Variants in OPCML observed in about 807,000 individuals in gnomAD.
OPCML encodes the protein opioid-binding protein/cell adhesion molecule.
OPCML carries 13 observed loss-of-function variants against 37.8 expected under a neutral mutation model. The ratio of observed to expected loss-of-function variants is 0.34; its 90% confidence interval spans 0.22 to 0.55. The LOEUF (loss-of-function observed/expected upper bound fraction) is 0.55. OPCML is among the 20% of genes least tolerant of loss of function. The pLI is 0.91. For synonymous variants in OPCML, 176 were observed against 168.8 expected (o/e 1.04, Z -0.33); for missense variants, 341 against 435.6 (o/e 0.78, Z 1.93).
intron 1 of OPCML, among the ~76,000 whole-genome samples, chr11:133,253,307 C>CATTTT (rs979651651): frequency 5.3e-5 from 8 of 151,888 alleles, no homozygotes; most frequent in Admixed American, 1.3e-4. Context: ...GTGCAAGTCA[C>CATTTT]ATTTTATTTT....
At chr11:132,783,719 T>C (rs1184270934) in intron 2 of OPCML, among the ~76,000 whole-genome samples, 1 of 151,354 alleles carries the variant, frequency 6.6e-6, no homozygotes, top group Non-Finnish European at 1.5e-5. Context: ...TAATGTAATT[T>C]ACCACTCTTT....
chr11:133,492,010 G>A (rs999205402), intron 1 of OPCML, among the ~76,000 whole-genome samples: 20 of 152,162 alleles, frequency 1.3e-4, no homozygotes, highest in Admixed American at 3.3e-4. Flanking sequence ...AGGAAAGCAC[G>A]CTCAAATCAG....
intron 2 of OPCML, among the ~76,000 whole-genome samples, chr11:132,780,057 C>G (rs567584933): frequency 7.9e-5 from 12 of 152,242 alleles, no homozygotes; most frequent in Non-Finnish European, 1.5e-4. Context: ...GAGTGTTTCC[C>G]ATGAGAAGTG....
intron 3 of OPCML, among the ~76,000 whole-genome samples, chr11:132,553,633 A>G (rs2096387526): frequency 6.6e-6 from 1 of 152,244 alleles, no homozygotes; most frequent in Non-Finnish European, 1.5e-5. Context: ...AGAGATTCTT[A>G]TAACACTTTT....
intron 1 of OPCML, among the ~76,000 whole-genome samples, chr11:133,397,002 G>T (rs1054576381): frequency 5.9e-5 from 9 of 152,178 alleles, no homozygotes; most frequent in Admixed American, 2.0e-4. Context: ...TGTGACCCAT[G>T]TTCATCACTC....
chr11:133,143,202 C>T (rs1050804325), intron 1 of OPCML, among the ~76,000 whole-genome samples: 6 of 152,178 alleles, frequency 3.9e-5, no homozygotes, highest in Non-Finnish European at 7.3e-5. Context: ...TAGCCTACAG[C>T]GACTGAAGAG....
intron 3 of OPCML, among the ~76,000 whole-genome samples, chr11:132,649,901 G>A (rs1167306903): frequency 6.6e-6 from 1 of 151,394 alleles, no homozygotes; most frequent in Non-Finnish European, 1.5e-5. Context: ...TCACACTCAC[G>A]AATGCCCTCA....
intron 1 of OPCML, among the ~76,000 whole-genome samples, chr11:133,474,962 A>G (rs1400743146): frequency 6.6e-6 from 1 of 152,164 alleles, no homozygotes; most frequent in Non-Finnish European, 1.5e-5. Context: ...CTGCCAAGGA[A>G]GCACATCCTG....
At chr11:133,209,676 A>C (rs1939269085) in intron 1 of OPCML, among the ~76,000 whole-genome samples, 1 of 152,212 alleles carries the variant, frequency 6.6e-6, no homozygotes, top group Non-Finnish European at 1.5e-5. Context: ...CACAGCTACG[A>C]GTAGACTTCT....
intron 3 of OPCML, among the ~76,000 whole-genome samples, chr11:132,564,454 T>A (rs1024164995): frequency 2.0e-5 from 3 of 152,196 alleles, no homozygotes; most frequent in Admixed American, 6.5e-5. Flanking sequence ...ATCTCTTATT[T>A]CTTCTGAATC....
chr11:132,821,988 C>G (rs1940014841), intron 2 of OPCML, among the ~76,000 whole-genome samples: 1 of 152,162 alleles, frequency 6.6e-6, no homozygotes, highest in Non-Finnish European at 1.5e-5. Context: ...CCAGTGAAAC[C>G]AAATAAAAAT....
At chr11:132,428,217 G>T (rs371022408) in intron 7 of OPCML, among the ~76,000 whole-genome samples, 1 of 152,204 alleles carries the variant, frequency 6.6e-6, no homozygotes, top group Admixed American at 6.5e-5. Context: ...GCAAGGGAAA[G>T]TCAGAAAAAT....
intron 3 of OPCML, among the ~76,000 whole-genome samples, chr11:132,592,309 A>C (rs969442899): frequency 1.3e-5 from 2 of 152,156 alleles, no homozygotes; most frequent in Non-Finnish European, 2.9e-5. Context: ...TGTACCTTGG[A>C]GCCTGAGGGA....
intron 1 of OPCML, among the ~76,000 whole-genome samples, chr11:133,009,446 G>A (rs748348091): frequency 5.3e-5 from 8 of 152,114 alleles, no homozygotes; most frequent in South Asian, 2.1e-4. Flanking sequence ...AAGATTGATC[G>A]ACCTAACTTA....
chr11:132,603,620 G>A (rs1339489741), intron 3 of OPCML, among the ~76,000 whole-genome samples: 1 of 152,036 alleles, frequency 6.6e-6, no homozygotes, highest in Non-Finnish European at 1.5e-5. Context: ...CTGTATAATT[G>A]CCCAGCTTAA....
intron 2 of OPCML, among the ~76,000 whole-genome samples, chr11:132,895,379 G>A (rs4937739): frequency 0.13 from 19,825 of 152,206 alleles, 1,740 homozygotes; most frequent in Middle Eastern, 0.21. Flanking sequence ...TCCTGCCCCA[G>A]CTCTACATAA....
At chr11:133,161,860 C>T (rs180873982) in intron 1 of OPCML, among the ~76,000 whole-genome samples, 72 of 152,144 alleles carry the variant, frequency 4.7e-4, no homozygotes, top group Middle Eastern at 3.4e-3. Context: ...TGCTGAAAAA[C>T]AGCACAACCA....
chr11:133,100,465 A>T (rs1049495861), intron 1 of OPCML, among the ~76,000 whole-genome samples: 1 of 152,200 alleles, frequency 6.6e-6, no homozygotes, highest in African/African-American at 2.4e-5. Context: ...TGAAAAAATG[A>T]CTCTAAAATT....
chr11:133,519,220 T>G (rs4131674), intron 1 of OPCML, among the ~76,000 whole-genome samples: 1 of 152,134 alleles, frequency 6.6e-6, no homozygotes, highest in Non-Finnish European at 1.5e-5. Flanking sequence ...ACTTTCTGCC[T>G]AGTTCTAACC....
Sources: allele counts gnomAD v4.1 joint callset (sites outside exome capture counted in the v4.1 genomes callset), GRCh38; gene constraint gnomAD v4.1.1; transcripts MANE v1.5; gene names NCBI Gene and HGNC (gene_info 2026-07-23, HGNC 2026-07-21).